Variants in WWOX observed in about 807,000 individuals in gnomAD.
The protein encoded by WWOX is WW domain containing oxidoreductase.
In WWOX, 69 loss-of-function variants were observed where a neutral mutation model predicts 46.2. The observed-to-expected ratio is 1.49, with a 90% CI of 1.23 to 1.82. The LOEUF is 1.82. WWOX is among the 40% of genes most tolerant of loss of function. WWOX has a pLI of 0.00. For missense variants in WWOX, 919 were observed against 542.6 expected (o/e 1.69, Z -6.89); for synonymous variants, 359 against 202.6 (o/e 1.77, Z -6.56).
At chr16:78,778,169 C>A (rs529669462) in intron 8 of WWOX, among the ~76,000 whole-genome samples, 1 of 151,998 alleles carries the variant, frequency 6.6e-6, no homozygotes, top group East Asian at 1.9e-4. Context: ...ACACAGTTAG[C>A]TTTATAGTTA....
intron 8 of WWOX, among the ~76,000 whole-genome samples, chr16:78,923,886 G>A (rs533432101): frequency 1.1e-4 from 15 of 136,442 alleles, no homozygotes; most frequent in African/African-American, 3.3e-4. Flanking sequence ...TGCAACCTCC[G>A]CCTCCTGGGT....
intron 8 of WWOX, among the ~76,000 whole-genome samples, chr16:78,470,408 G>T (rs2084193043): frequency 6.6e-6 from 1 of 152,144 alleles, no homozygotes; most frequent in Non-Finnish European, 1.5e-5. Context: ...CAAGATCTTT[G>T]TTTTTGACTT....
intron 8 of WWOX, among the ~76,000 whole-genome samples, chr16:78,544,964 C>T (rs1597243110): frequency 6.6e-6 from 1 of 150,584 alleles, no homozygotes; most frequent in Non-Finnish European, 1.5e-5. Context: ...ATCATTTGAG[C>T]CCAGGAGTTA....
intron 8 of WWOX, among the ~76,000 whole-genome samples, chr16:78,889,182 G>C (rs535898055): frequency 6.4e-4 from 98 of 152,142 alleles, no homozygotes; most frequent in African/African-American, 2.2e-3. Context: ...TTCGTACCAG[G>C]GATTGGCAAA....
chr16:78,417,159 A>AC (rs1260192150), intron 6 of WWOX, among the ~76,000 whole-genome samples: 8 of 151,642 alleles, frequency 5.3e-5, no homozygotes, highest in Admixed American at 1.3e-4. Context: ...TGCAGCCACA[A>AC]CCTCCCAGGT....
At chr16:78,922,984 C>CTTGTTTTCT (rs2045413585) in intron 8 of WWOX, among the ~76,000 whole-genome samples, 1 of 141,530 alleles carries the variant, frequency 7.1e-6, no homozygotes. Context: ...TTTCTCTTTT[C>CTTGTTTTCT]TTTTTTTTTT....
intron 5 of WWOX, among the ~76,000 whole-genome samples, chr16:78,195,840 A>AG (rs2036034417): frequency 7.2e-6 from 1 of 139,010 alleles, no homozygotes; most frequent in Non-Finnish European, 1.6e-5. Context: ...AAAAAAAAAA[A>AG]GAAAAAAAAA....
At chr16:78,832,982 G>A (rs1383344570) in intron 8 of WWOX, among the ~76,000 whole-genome samples, 2 of 150,940 alleles carry the variant, frequency 1.3e-5, no homozygotes, top group Admixed American at 6.6e-5. Flanking sequence ...GTGTTAATCA[G>A]TTGGTGGGAT....
chr16:78,956,920 G>A (rs2046178937), intron 8 of WWOX, among the ~76,000 whole-genome samples: 1 of 152,172 alleles, frequency 6.6e-6, no homozygotes, highest in Admixed American at 6.5e-5. Context: ...TGTAAAGAAA[G>A]TTTGCTACTG....
At chr16:78,825,555 C>T (rs1597677007) in intron 8 of WWOX, 1 of 530,506 alleles carries the variant, frequency 1.9e-6, no homozygotes, top group Non-Finnish European at 3.8e-6. Context: ...AAAGGTGGCC[C>T]CAGAGGTCTG....
intron 4 of WWOX, chr16:78,118,817 A>C (rs967907447): frequency 6.6e-6 from 1 of 152,222 alleles, no homozygotes; most frequent in African/African-American, 2.4e-5. Context: ...GGCCCCAGGA[A>C]GACTGTGGCA....
chr16:78,418,224 C>G (rs780321140), intron 6 of WWOX, among the ~76,000 whole-genome samples: 9 of 151,714 alleles, frequency 5.9e-5, no homozygotes, highest in Non-Finnish European at 1.0e-4. Flanking sequence ...ATTAGTGGGG[C>G]GTGGTGGCGG....
At chr16:78,537,068 C>T (rs1045536445) in intron 8 of WWOX, among the ~76,000 whole-genome samples, 3 of 151,976 alleles carry the variant, frequency 2.0e-5, no homozygotes, top group East Asian at 1.9e-4. Flanking sequence ...AGGCATGTAC[C>T]ACCACACTCA....
intron 8 of WWOX, among the ~76,000 whole-genome samples, chr16:78,817,838 C>G (rs2051379891): frequency 6.6e-6 from 1 of 152,178 alleles, no homozygotes; most frequent in African/African-American, 2.4e-5. Flanking sequence ...GAAAAGTTTT[C>G]TGATGAGGTC....
At chr16:78,742,568 G>T (rs1283991216) in intron 8 of WWOX, among the ~76,000 whole-genome samples, 1 of 152,152 alleles carries the variant, frequency 6.6e-6, no homozygotes, top group African/African-American at 2.4e-5. Context: ...CAGTTTCTAG[G>T]GAAAGGAACG....
At chr16:79,047,034 G>A (rs1392468118) in intron 8 of WWOX, among the ~76,000 whole-genome samples, 1 of 152,122 alleles carries the variant, frequency 6.6e-6, no homozygotes, top group East Asian at 1.9e-4. Flanking sequence ...AATTTGCAAA[G>A]CCATTTAATT....
At chr16:79,119,249 T>G (rs1286019981) in intron 8 of WWOX, among the ~76,000 whole-genome samples, 1 of 151,884 alleles carries the variant, frequency 6.6e-6, no homozygotes, top group East Asian at 1.9e-4. Flanking sequence ...TATTGTTGGG[T>G]TGAAAGAAGC....
At chr16:78,798,349 A>G (rs1397232449) in intron 8 of WWOX, among the ~76,000 whole-genome samples, 3 of 152,200 alleles carry the variant, frequency 2.0e-5, no homozygotes, top group Non-Finnish European at 1.5e-5. Flanking sequence ...TTCCCTAGCT[A>G]GAGGTCAGAT....
At chr16:78,845,558 G>A (rs2052276685) in intron 8 of WWOX, among the ~76,000 whole-genome samples, 1 of 152,058 alleles carries the variant, frequency 6.6e-6, no homozygotes, top group African/African-American at 2.4e-5. Context: ...CAAAAGCAAG[G>A]GTTTTCCAAT....
Sources: allele counts gnomAD v4.1 joint callset (sites outside exome capture counted in the v4.1 genomes callset), GRCh38; gene constraint gnomAD v4.1.1; transcripts MANE v1.5; gene names NCBI Gene and HGNC (gene_info 2026-07-23, HGNC 2026-07-21).